The following FGF13 variants were observed in gnomAD, a reference collection of about 807,000 sequenced individuals.
The protein encoded by FGF13 is fibroblast growth factor 13.
A neutral mutation model predicts 19.5 loss-of-function variants in FGF13; 2 were observed. The ratio of observed to expected loss-of-function variants is 0.10; its 90% CI spans 0.04 to 0.32. The LOEUF is 0.32. Ranked by LOEUF, FGF13 falls within the 10% of genes least tolerant of loss-of-function variation. FGF13 has a pLI of 1.00. For synonymous variants in FGF13, 72 were observed against 76.9 expected (o/e 0.94, Z 0.33); for missense variants, 113 against 192.7 (o/e 0.59, Z 2.45).
chrX:138,903,902 G>A (rs1015269228), intron 1 of FGF13, among the ~76,000 whole-genome samples: 24 of 111,725 alleles, frequency 2.1e-4, no homozygotes, highest in African/African-American at 7.5e-4. Flanking sequence ...GCCCAACAAT[G>A]CTTCTGTGAG....
chrX:138,734,846 TTGG>T, intron 1 of FGF13, among the ~76,000 whole-genome samples: 1 of 111,916 alleles, frequency 8.9e-6, no homozygotes, highest in African/African-American at 3.2e-5. Context: ...GGCACCTTCC[TTGG>T]TGTCTAGCAC....
chrX:139,066,785 C>G (rs1045877976), intron 1 of FGF13, among the ~76,000 whole-genome samples: 1 of 109,982 alleles, frequency 9.1e-6, no homozygotes, highest in Non-Finnish European at 1.9e-5. Flanking sequence ...ATGAGGCCAG[C>G]ATCATCCTGA....
chrX:138,989,439 C>T (rs2092006235), intron 1 of FGF13, among the ~76,000 whole-genome samples: 1 of 111,669 alleles, frequency 9.0e-6, no homozygotes, highest in Non-Finnish European at 1.9e-5. Context: ...GGTAGATACT[C>T]AATAAACAGT....
At chrX:138,985,617 T>C (rs2091991797) in intron 1 of FGF13, among the ~76,000 whole-genome samples, 1 of 111,967 alleles carries the variant, frequency 8.9e-6, no homozygotes, top group Non-Finnish European at 1.9e-5. Context: ...AAGGTCACAC[T>C]GGACTATTCT....
chrX:138,891,769 CAGCGAATATAA>C (rs2091478242), intron 1 of FGF13, among the ~76,000 whole-genome samples: 1 of 110,210 alleles, frequency 9.1e-6, no homozygotes, highest in Non-Finnish European at 1.9e-5. Flanking sequence ...AATCAGCTGC[CAGCGAATATAA>C]AGCAGGCAGA....
chrX:139,203,116 G>A lies in FGF13; in HGVS notation c.-113+300C>T, dbSNP rs765541197. On this transcript the variant is annotated intron_variant, in intron 1 of 2. Transcript: ENST00000421460. Reference sequence around the variant, plus strand: ...GCTAGAACCGGCAAAGGGTGGGGGGGCGTCCCCTGCCTTTGCCTTAGTTCT... The same window carrying A: ...GCTAGAACCGGCAAAGGGTGGGGGGACGTCCCCTGCCTTTGCCTTAGTTCT... Among the ~76,000 whole-genome samples the A allele has an allele frequency of 3.6e-5, 4 of 112,034 alleles. No homozygotes were observed. In the South Asian group the frequency reaches 1.5e-3, roughly 41 times the overall value.
intron 1 of FGF13, among the ~76,000 whole-genome samples, chrX:139,054,415 G>A (rs192210617): frequency 3.6e-5 from 4 of 111,232 alleles, no homozygotes; most frequent in South Asian, 3.8e-4. Flanking sequence ...GAGCCACCGC[G>A]CCCGGCTGGT....
At chrX:139,160,688 C>G (rs1196292387) in intron 1 of FGF13, among the ~76,000 whole-genome samples, 8 of 112,053 alleles carry the variant, frequency 7.1e-5, no homozygotes, top group South Asian at 7.4e-4. Context: ...CACAGAAACA[C>G]AAACTACCAT....
chrX:138,788,679 A>C (rs931762663), intron 3 of FGF13, among the ~76,000 whole-genome samples: 1 of 112,090 alleles, frequency 8.9e-6, no homozygotes, highest in Non-Finnish European at 1.9e-5. Flanking sequence ...CATTCCCTTC[A>C]GTTCAAACTG....
At chrX:138,995,779 G>A (rs769765767) in intron 1 of FGF13, among the ~76,000 whole-genome samples, 3 of 112,306 alleles carry the variant, frequency 2.7e-5, no homozygotes, top group Non-Finnish European at 5.6e-5. Flanking sequence ...CTGTGTGCAT[G>A]TGTCTTTATG....
intron 3 of FGF13, among the ~76,000 whole-genome samples, chrX:138,685,192 A>G (rs1226621450): frequency 9.0e-6 from 1 of 111,415 alleles, no homozygotes; most frequent in Non-Finnish European, 1.9e-5. Context: ...GGGGACCACC[A>G]GCAATGTCGT....
chrX:138,846,102 G>A (rs1332437755), intron 3 of FGF13, among the ~76,000 whole-genome samples: 1 of 110,618 alleles, frequency 9.0e-6, no homozygotes, highest in Non-Finnish European at 1.9e-5. Flanking sequence ...GACTCCAGTA[G>A]AGGAACCATG....
intron 3 of FGF13, among the ~76,000 whole-genome samples, chrX:138,842,353 T>C (rs2091154735): frequency 9.0e-6 from 1 of 111,302 alleles, no homozygotes; most frequent in Non-Finnish European, 1.9e-5. Flanking sequence ...AGTTTTCTTA[T>C]ACCAAATCAC....
intron 3 of FGF13, among the ~76,000 whole-genome samples, chrX:138,686,322 C>T (rs1443658618): frequency 9.0e-6 from 1 of 111,362 alleles, no homozygotes; most frequent in Admixed American, 9.6e-5. Flanking sequence ...GAGAGTGTTA[C>T]TGTGCTTATA....
intron 3 of FGF13, among the ~76,000 whole-genome samples, chrX:138,671,116 C>T (rs1366607953): frequency 9.0e-6 from 1 of 110,983 alleles, no homozygotes; most frequent in Non-Finnish European, 1.9e-5. Context: ...AAATTGATTA[C>T]ATAACTCTTA....
chrX:138,956,865 C>A (rs1248551282), intron 1 of FGF13, among the ~76,000 whole-genome samples: 1 of 111,594 alleles, frequency 9.0e-6, no homozygotes, highest in Admixed American at 9.5e-5. Flanking sequence ...CTTGGCTAAA[C>A]CCTTGAGACT....
At chrX:139,005,967 A>C (rs1352950216) in intron 1 of FGF13, among the ~76,000 whole-genome samples, 2 of 110,320 alleles carry the variant, frequency 1.8e-5, no homozygotes, top group Non-Finnish European at 3.8e-5. Flanking sequence ...GCTAAGAGTT[A>C]CTGGCCTTAA....
chrX:138,636,025 T>G (rs1316515480), intron 3 of FGF13, among the ~76,000 whole-genome samples: 2 of 112,302 alleles, frequency 1.8e-5, no homozygotes, highest in Admixed American at 1.9e-4. Flanking sequence ...GGGTTCAATA[T>G]GAGAAAATAA....
At chrX:138,785,175 C>T (rs922793746) in intron 3 of FGF13, among the ~76,000 whole-genome samples, 9 of 111,933 alleles carry the variant, frequency 8.0e-5, no homozygotes, top group Non-Finnish European at 1.1e-4. Context: ...GTCCTTACTT[C>T]GCTCCATGGC....
Sources: allele counts gnomAD v4.1 joint callset (sites outside exome capture counted in the v4.1 genomes callset), GRCh38; gene constraint gnomAD v4.1.1; transcripts MANE v1.5; gene names NCBI Gene and HGNC (gene_info 2026-07-23, HGNC 2026-07-21).